KMO: variants seen among roughly 807,000 people sequenced by gnomAD.
KMO encodes kynurenine 3-hydroxylase.
A neutral mutation model predicts 57.8 loss-of-function variants in KMO; 24 were observed. That is an observed-to-expected ratio of 0.42 (90% confidence interval 0.30 to 0.58). The LOEUF is 0.58. Ranked by LOEUF, KMO falls within the 20% of genes least tolerant of loss-of-function variation. The probability of loss-of-function intolerance (pLI) is 0.22; values close to 1 mark genes in which losing one functional copy is unlikely to be tolerated. For synonymous variants in KMO, 210 were observed against 193.6 expected (o/e 1.08, Z -0.70); for missense variants, 483 against 588.2 (o/e 0.82, Z 1.85).
intron 4 of KMO, among the ~76,000 whole-genome samples, chr1:241,552,988 T>C (rs1274524747): frequency 6.6e-6 from 1 of 152,186 alleles, no homozygotes; most frequent in East Asian, 1.9e-4. Flanking sequence ...TGGCTCCCCC[T>C]TAGTAGAAAA....
rs745831800 is a variant in KMO, at chr1:241,551,061, G to T, written c.312+17G>T. On this transcript the variant is annotated intron_variant, in intron 4 of 14. Transcript: ENST00000366559. ...AAGTCTCAGGTAGGTTTACCCCGGAGATCATTGTGCATTGATTATAAGGAA... is the reference window on the plus strand; with the variant it reads ...AAGTCTCAGGTAGGTTTACCCCGGATATCATTGTGCATTGATTATAAGGAA... 2 of 1,374,396 alleles carry T rather than the reference G, an allele frequency of 1.5e-6. No homozygotes were observed. The highest frequency in any genetic ancestry group is 2.9e-5 in the African/African-American group (2 of 67,854). The allele number at this position is 1,374,396 out of a possible 1,614,324, so 85.1% of individuals were successfully genotyped here.
In KMO at chr1:241,550,940, C is replaced by T. The variant is rs1264742309; in HGVS notation, c.223-15C>T. On this transcript the variant is annotated splice_polypyrimidine_tract_variant and intron_variant, in intron 3 of 14. Coordinates refer to ENST00000366559, the MANE Select transcript of KMO (RefSeq NM_003679.5). ...GTTACTGTCATTGAAGTCAATATTT[C>T]TGGTTTCATTTCAGATTGTATCCCA... 4 of 1,316,048 alleles carry T rather than the reference C, an allele frequency of 3.0e-6. No individual in the cohort carries two copies. The highest frequency in any genetic ancestry group is 3.1e-6 in the Non-Finnish European group (3 of 955,902). 81.5% of individuals were successfully genotyped at this position (1,316,048 alleles called of 1,614,324 possible). A position where few individuals can be genotyped will look rare whatever the true frequency, so the allele number is the denominator to read the frequency against.
chr1:241,586,288 T>C (rs544906485), intron 10 of KMO, among the ~76,000 whole-genome samples: 33 of 141,848 alleles, frequency 2.3e-4, no homozygotes, highest in Admixed American at 1.6e-3. Flanking sequence ...AACCTCCATC[T>C]CCCAGGTTCA....
At chr1:241,567,806 T>C (rs906297130) in intron 9 of KMO, among the ~76,000 whole-genome samples, 2 of 152,212 alleles carry the variant, frequency 1.3e-5, no homozygotes, top group African/African-American at 4.8e-5. Context: ...AATTAGACCT[T>C]GTGTACTTTC....
intron 5 of KMO, among the ~76,000 whole-genome samples, chr1:241,556,298 C>A (rs1418302318): frequency 6.6e-6 from 1 of 151,900 alleles, no homozygotes; most frequent in Non-Finnish European, 1.5e-5. Flanking sequence ...CACATACGAC[C>A]AATTTTTTTA....
intron 11 of KMO, among the ~76,000 whole-genome samples, chr1:241,587,740 G>T (rs866153363): frequency 6.6e-6 from 1 of 150,458 alleles, no homozygotes; most frequent in Non-Finnish European, 1.5e-5. Context: ...CACCATGCCC[G>T]GCATAAATTC....
At chr1:241,588,664 T>C in intron 11 of KMO, 84 bp from the exon 12 acceptor site, 1 of 904,466 alleles carries the variant, frequency 1.1e-6, no homozygotes. Context: ...GCATTGGTAG[T>C]GAACGTACCA....
intron 1 of KMO, among the ~76,000 whole-genome samples, chr1:241,542,240 C>G (rs565450972): frequency 6.6e-6 from 1 of 152,226 alleles, no homozygotes; most frequent in South Asian, 2.1e-4. Context: ...TGGGAACTGA[C>G]AGAAAAGCTC....
chr1:241,570,164 T>G (rs1662222699), intron 10 of KMO, among the ~76,000 whole-genome samples: 1 of 152,060 alleles, frequency 6.6e-6, no homozygotes, highest in Non-Finnish European at 1.5e-5. Flanking sequence ...AATATTTTAC[T>G]TTGTTCTGTG....
intron 4 of KMO, among the ~76,000 whole-genome samples, chr1:241,555,099 A>C (rs368229730): frequency 1.6e-4 from 24 of 152,278 alleles, no homozygotes; most frequent in African/African-American, 4.1e-4. Flanking sequence ...GTTCCATGCA[A>C]GGACTGGTCC....
At chr1:241,540,167 T>C (rs1156416383) in intron 1 of KMO, among the ~76,000 whole-genome samples, 2 of 152,150 alleles carry the variant, frequency 1.3e-5, no homozygotes, top group African/African-American at 4.8e-5. Flanking sequence ...GGTGGTAAAA[T>C]TGTGAGGAAT....
chr1:241,565,242 T>C (rs1470053214), intron 8 of KMO, among the ~76,000 whole-genome samples, 184 bp downstream of exon 8: 1 of 152,150 alleles, frequency 6.6e-6, no homozygotes, highest in Non-Finnish European at 1.5e-5. Flanking sequence ...ATTATTTACT[T>C]TGGAAAGGAG....
intron 7 of KMO, among the ~76,000 whole-genome samples, chr1:241,563,995 C>G (rs948474844): frequency 2.6e-5 from 4 of 152,152 alleles, no homozygotes; most frequent in African/African-American, 7.2e-5. Context: ...ATGTATTCCT[C>G]TTGCCTATTG....
intron 5 of KMO, chr1:241,555,873 T>C (rs6429279): frequency 0.027 from 10,402 of 384,466 alleles, 670 homozygotes; most frequent in African/African-American, 0.16. Context: ...ATCGCTTGAG[T>C]CCAGGAATTT....
chr1:241,564,711 T>TTTTC (rs35150712), intron 7 of KMO, among the ~76,000 whole-genome samples: 1 of 151,564 alleles, frequency 6.6e-6, no homozygotes, highest in African/African-American at 2.4e-5. Context: ...ACATAAGATG[T>TTTTC]TCTCTCTGTC....
chr1:241,549,709 A>C lies in KMO; in HGVS notation c.157A>C (p.Ser53Arg). 6.2e-7 allele frequency: 1 copy of C among 1,613,660 alleles called. No individual in the cohort carries two copies. The change falls in exon 3 of 15, where the codon AGC becomes CGC. Residue 53 changes from serine to arginine, a missense_variant. Ser to Arg is a moderately radical substitution (Grantham distance 110). Around this residue, in one of 3 missense-constraint regions of KMO, gnomAD observed 70 missense variants for 78.4 expected, o/e 0.89. Transcript: ENST00000366559. ...TRVATFTRGRSINLALSHRGR... is the reference protein window; with the variant it reads ...TRVATFTRGRRINLALSHRGR... ...AGTGGCTACCTTCACACGTGGAAGA[A>C]GCATTAACTTAGCCCTTTCTCATAG...
chr1:241,566,720 T>A, intron 9 of KMO, 108 bp downstream of exon 9: 2 of 1,158,562 alleles, frequency 1.7e-6, no homozygotes, highest in Non-Finnish European at 1.3e-6. Context: ...GATCATGCAG[T>A]AACCTGGACA....
chr1:241,575,456 T>A (rs888267154), intron 10 of KMO, among the ~76,000 whole-genome samples: 2 of 152,104 alleles, frequency 1.3e-5, no homozygotes, highest in African/African-American at 2.4e-5. Flanking sequence ...GAGGTTTTGA[T>A]ATGTTGTGTC....
chr1:241,534,099 G>A (rs1660674185), intron 1 of KMO, among the ~76,000 whole-genome samples: 1 of 152,210 alleles, frequency 6.6e-6, no homozygotes, highest in Non-Finnish European at 1.5e-5. Flanking sequence ...ATCAGATTTT[G>A]TTCAAATTAC....
Sources: allele counts gnomAD v4.1 joint callset (sites outside exome capture counted in the v4.1 genomes callset), GRCh38; gene constraint gnomAD v4.1.1; regional missense constraint gnomAD v4.1.1; transcripts MANE v1.5; gene names NCBI Gene and HGNC (gene_info 2026-07-23, HGNC 2026-07-21).